The following SPIDR variants were observed in gnomAD, a reference collection of about 807,000 sequenced individuals.
SPIDR encodes scaffold protein involved in DNA repair, also known as DNA repair-scaffolding protein.
A neutral mutation model predicts 104.6 loss-of-function variants in SPIDR; 93 were observed. That is an observed-to-expected ratio of 0.89 (90% CI 0.75 to 1.06). SPIDR has a LOEUF of 1.06. Ranked by LOEUF, SPIDR falls within the 50% of genes least tolerant of loss-of-function variation. The pLI is 0.00. For missense variants in SPIDR, 1,154 were observed against 1,111.2 expected, an observed-to-expected ratio of 1.04 and a Z score of -0.55; for synonymous variants, 431 against 416.9, an observed-to-expected ratio of 1.03 and a Z score of -0.41.
intron 8 of SPIDR, among the ~76,000 whole-genome samples, chr8:47,541,623 A>G (rs759730174): frequency 6.6e-6 from 1 of 152,200 alleles, no homozygotes; most frequent in Non-Finnish European, 1.5e-5. Context: ...TGGGCTGGGC[A>G]CAGTGACTCA....
intron 5 of SPIDR, among the ~76,000 whole-genome samples, chr8:47,303,689 G>C (rs1456042938): frequency 6.6e-6 from 1 of 152,150 alleles, no homozygotes; most frequent in Non-Finnish European, 1.5e-5. Context: ...AACCATCTTT[G>C]CATCCCAAGG....
chr8:47,415,965 G>C (rs1324375750), intron 7 of SPIDR, among the ~76,000 whole-genome samples: 1 of 152,160 alleles, frequency 6.6e-6, no homozygotes, highest in African/African-American at 2.4e-5. Context: ...TCCATAGTTT[G>C]TTATCTAAAA....
At chr8:47,615,092 A>C (rs1466542047) in intron 10 of SPIDR, among the ~76,000 whole-genome samples, 2 of 150,536 alleles carry the variant, frequency 1.3e-5, no homozygotes, top group African/African-American at 2.5e-5. Flanking sequence ...TTTTAAAGAG[A>C]CAGGGTCTTG....
intron 10 of SPIDR, among the ~76,000 whole-genome samples, chr8:47,619,155 G>T (rs1750573931): frequency 6.6e-6 from 1 of 152,138 alleles, no homozygotes; most frequent in African/African-American, 2.4e-5. Flanking sequence ...TTTAAGATTT[G>T]TTAATGATTA....
rs183127644 is a variant in SPIDR at position 47,653,620 on chromosome 8, G to A, written c.1545-20181G>A. Among the ~76,000 whole-genome samples the A allele has an allele frequency of 1.9e-3, 282 of 152,150 alleles. 2 individuals carry two copies. Among genetic ancestry groups the A allele is most frequent in the Middle Eastern group, 3.4e-3 (1 of 294 alleles). ...TGAACTACCTCACATTGTCCCCAAGGGCAGGAACTATGTCTTATGTCCCTT... is the reference window on the plus strand; with the variant it reads ...TGAACTACCTCACATTGTCCCCAAGAGCAGGAACTATGTCTTATGTCCCTT... On this transcript the variant is annotated intron_variant, in intron 10 of 19. Coordinates refer to ENST00000297423, the MANE Select transcript of SPIDR (RefSeq NM_001080394.4).
At chr8:47,717,810 T>TC (rs1357484690) in intron 16 of SPIDR, among the ~76,000 whole-genome samples, 1 of 152,202 alleles carries the variant, frequency 6.6e-6, no homozygotes, top group African/African-American at 2.4e-5. Flanking sequence ...AAAGCTCTGT[T>TC]CCTGGTAGCA....
In SPIDR at chr8:47,595,814, A is replaced by G; in HGVS notation, c.1101A>G (p.Gln367=). 6.2e-7 allele frequency: 1 copy of G among 1,613,962 alleles called. No individual in the cohort carries two copies. The highest frequency in any genetic ancestry group is 1.3e-5 in the African/African-American group (1 of 75,040). The change falls in exon 9 of 20, where the codon CAA becomes CAG. Residue 367 remains glutamine, a synonymous_variant. Transcript: ENST00000297423. ...QDTVRIFPPW[Q]KLIIPSGSCP... ...TGCATGTCTTTCTCTTTTCCAGGCA[A>G]AAACTGATTATTCCAAGTGGAAGTT...
chr8:47,304,382 AGT>A (rs2042765265), intron 5 of SPIDR, among the ~76,000 whole-genome samples: 1 of 152,066 alleles, frequency 6.6e-6, no homozygotes, highest in Non-Finnish European at 1.5e-5. Flanking sequence ...AAAAGTGTGT[AGT>A]GGTCAGGCAC....
At chr8:47,697,871 A>G (rs2079578431) in intron 11 of SPIDR, 1 of 152,272 alleles carries the variant, frequency 6.6e-6, no homozygotes, top group Non-Finnish European at 1.5e-5. Context: ...GCTCTCTGGC[A>G]GTCTTGTGGG....
chr8:47,603,266 G>A (rs1178973167), intron 10 of SPIDR, among the ~76,000 whole-genome samples: 1 of 152,050 alleles, frequency 6.6e-6, no homozygotes, highest in African/African-American at 2.4e-5. Context: ...TCCTGGTGGT[G>A]CAGGTCCAGA....
At chr8:47,567,780 C>CTTTTTTTTTTTTTTTTTTTTTTT (rs35199139) in intron 8 of SPIDR, among the ~76,000 whole-genome samples, 26 of 71,010 alleles carry the variant, frequency 3.7e-4, no homozygotes, top group South Asian at 5.1e-4. Flanking sequence ...TTTTCTTTTT[C>CTTTTTTTTTTTTTTTTTTTTTTT]TTTTTTTTTT....
intron 8 of SPIDR, among the ~76,000 whole-genome samples, chr8:47,548,379 G>A (rs941867858): frequency 6.6e-6 from 1 of 152,178 alleles, no homozygotes; most frequent in Non-Finnish European, 1.5e-5. Context: ...TGAATGTGGT[G>A]GCTCACGCCT....
intron 7 of SPIDR, among the ~76,000 whole-genome samples, chr8:47,425,047 A>AAT: frequency 6.6e-6 from 1 of 152,376 alleles, no homozygotes; most frequent in East Asian, 1.9e-4. Context: ...AATTTAAAAA[A>AAT]ATGATTCTTA....
At chr8:47,293,825 A>G in intron 4 of SPIDR, 42 bp from the exon 5 acceptor site, 1 of 1,550,400 alleles carries the variant, frequency 6.4e-7, no homozygotes, top group Non-Finnish European at 8.8e-7. Flanking sequence ...AAAGTGAAAG[A>G]TTAAGGAGAT....
chr8:47,606,027 G>A (rs887676905), intron 10 of SPIDR, among the ~76,000 whole-genome samples: 2 of 152,256 alleles, frequency 1.3e-5, no homozygotes, highest in African/African-American at 4.8e-5. Context: ...CATCAACAAG[G>A]AGTTGATGCC....
At chr8:47,489,446 C>G (rs1265549823) in intron 8 of SPIDR, among the ~76,000 whole-genome samples, 1 of 152,170 alleles carries the variant, frequency 6.6e-6, no homozygotes, top group Non-Finnish European at 1.5e-5. Context: ...TTTATAGATT[C>G]AGTGCCATCC....
intron 19 of SPIDR, among the ~76,000 whole-genome samples, chr8:47,734,382 G>A (rs1360932021): frequency 6.6e-6 from 1 of 152,162 alleles, no homozygotes; most frequent in East Asian, 1.9e-4. Flanking sequence ...CACCTTTGAA[G>A]GGAAGGGCAC....
At chr8:47,698,443 T>A (rs1397586585) in intron 11 of SPIDR, among the ~76,000 whole-genome samples, 2 of 152,254 alleles carry the variant, frequency 1.3e-5, no homozygotes, top group East Asian at 3.8e-4. Context: ...AAGGCAACAG[T>A]GGCCATCCAA....
intron 5 of SPIDR, among the ~76,000 whole-genome samples, chr8:47,388,019 G>A (rs374281009): frequency 3.0e-4 from 45 of 152,286 alleles, no homozygotes; most frequent in African/African-American, 1.1e-3. Context: ...CTCGTCTGTA[G>A]GTCATGAAGG....
Sources: allele counts gnomAD v4.1 joint callset (sites outside exome capture counted in the v4.1 genomes callset), GRCh38; gene constraint gnomAD v4.1.1; transcripts MANE v1.5; gene names NCBI Gene and HGNC (gene_info 2026-07-23, HGNC 2026-07-21).